The following VAPB variants were observed in gnomAD, a reference collection of about 807,000 sequenced individuals.
VAPB encodes the protein vesicle-associated membrane protein-associated protein B/C.
Under a neutral mutation model 25.6 loss-of-function variants are expected in VAPB, and 7 were observed. That is an observed-to-expected ratio of 0.27 (90% CI 0.16 to 0.51). The LOEUF (loss-of-function observed/expected upper bound fraction) is 0.51, where lower values mean the gene tolerates loss of function less well. Among genes scored for constraint, VAPB ranks in the 20% least tolerant of loss-of-function variants. VAPB has a pLI of 0.97. For synonymous variants in VAPB, 112 were observed against 109.2 expected, an observed-to-expected ratio of 1.03 and a Z score of -0.16; for missense variants, 266 against 301.3, an observed-to-expected ratio of 0.88 and a Z score of 0.87.
intron 1 of VAPB, among the ~76,000 whole-genome samples, chr20:58,393,380 T>C (rs1215997331): frequency 1.3e-5 from 2 of 149,080 alleles, no homozygotes; most frequent in Admixed American, 6.6e-5. Context: ...CACTAAGTCA[T>C]AGGAGTTTTT....
At chr20:58,400,437 C>T (rs1988069018) in intron 1 of VAPB, among the ~76,000 whole-genome samples, 1 of 152,210 alleles carries the variant, frequency 6.6e-6, no homozygotes, top group Admixed American at 6.5e-5. Context: ...TGTTTGAAAG[C>T]TCACTACTTG....
At chr20:58,443,982 C>A in intron 5 of VAPB, 95 bp from the exon 6 acceptor site, 1 of 1,567,540 alleles carries the variant, frequency 6.4e-7, no homozygotes, top group African/African-American at 1.3e-5. Flanking sequence ...TGTCATCCAA[C>A]ACTGGGCATA....
At chr20:58,431,263 T>C (rs1988920883) in intron 2 of VAPB, 1 of 152,256 alleles carries the variant, frequency 6.6e-6, no homozygotes, top group South Asian at 2.1e-4. Flanking sequence ...CTTCCAAATG[T>C]TGGCATATTG....
intron 2 of VAPB, chr20:58,432,325 A>G (rs1368964657): frequency 1.3e-5 from 2 of 152,204 alleles, no homozygotes; most frequent in South Asian, 4.1e-4. Context: ...GATCTTTACA[A>G]ATAAACCTTG....
At chr20:58,406,769 C>T (rs1333940298) in intron 1 of VAPB, among the ~76,000 whole-genome samples, 1 of 152,172 alleles carries the variant, frequency 6.6e-6, no homozygotes, top group African/African-American at 2.4e-5. Context: ...ATTGGGACCC[C>T]ATGCTATTTT....
At chr20:58,436,407 C>T (rs112100813) in intron 3 of VAPB, among the ~76,000 whole-genome samples, 1,940 of 142,778 alleles carry the variant, frequency 0.014, 48 homozygotes, top group African/African-American at 0.048. Context: ...GATCTCAGCT[C>T]GCTGCAGCCT....
At chr20:58,400,419 CTT>C (rs1460210428) in intron 1 of VAPB, among the ~76,000 whole-genome samples, 3 of 152,216 alleles carry the variant, frequency 2.0e-5, no homozygotes, top group Non-Finnish European at 2.9e-5. Flanking sequence ...AATGAAACCT[CTT>C]GTTACTGTTT....
At position 58,444,410 on chromosome 20, in the gene VAPB, G is replaced by A. The variant is rs1989229570; in HGVS notation, c.*175G>A. 3.5e-6 allele frequency: 3 copies of A among 865,608 alleles called. No individual in the cohort carries two copies. 53.6% of individuals were successfully genotyped at this position (865,608 alleles called of 1,614,324 possible). Reference sequence around the variant, plus strand: ...ACAGATACACACACACAAATATAATGTAACGATCTTTTAGAAAGTTAAAAA... The same window carrying A: ...ACAGATACACACACACAAATATAATATAACGATCTTTTAGAAAGTTAAAAA... On this transcript the variant is annotated 3_prime_UTR_variant, in exon 6 of 6. Transcript: ENST00000475243.
In VAPB at chr20:58,389,323, C is replaced by T. The variant is rs542349554; in HGVS notation, c.-137C>T. 108 of 944,086 alleles carry T rather than the reference C, an allele frequency of 1.1e-4. No homozygotes were observed. In the African/African-American group the frequency reaches 1.7e-3, roughly 15 times the overall value. 58.5% of individuals were successfully genotyped at this position (944,086 alleles called of 1,614,324 possible). A position where few individuals can be genotyped will look rare whatever the true frequency, so the allele number is the denominator to read the frequency against. ...ACCGACCCCCCCCCAGCGCGCCCAC[C>T]CGGTAGAGGACCCCCGCCCGTGCCC... On this transcript the variant is annotated 5_prime_UTR_variant, in exon 1 of 6. Coordinates refer to ENST00000475243, the MANE Select transcript of VAPB (RefSeq NM_004738.5).
intron 1 of VAPB, among the ~76,000 whole-genome samples, chr20:58,416,057 C>T (rs1274837371): frequency 1.3e-5 from 2 of 152,086 alleles, no homozygotes; most frequent in African/African-American, 4.8e-5. Flanking sequence ...AGTATAGTTC[C>T]CTCCAGATTT....
chr20:58,421,335 G>T (rs1178389806), intron 2 of VAPB, among the ~76,000 whole-genome samples: 1 of 152,208 alleles, frequency 6.6e-6, no homozygotes, highest in African/African-American at 2.4e-5. Context: ...GCTAGTTTTT[G>T]AAGAAGGTGG....
chr20:58,443,418 T>A (rs2123103886), intron 5 of VAPB, among the ~76,000 whole-genome samples: 1 of 150,444 alleles, frequency 6.6e-6, no homozygotes, highest in South Asian at 2.1e-4. Context: ...TTTTTTTTTT[T>A]TAATATGGAG....
chr20:58,423,902 A>C (rs552539890), intron 2 of VAPB, among the ~76,000 whole-genome samples: 2 of 152,362 alleles, frequency 1.3e-5, no homozygotes, highest in African/African-American at 4.8e-5. Context: ...CTGCTTAAAC[A>C]AAAAGTAGAA....
intron 1 of VAPB, among the ~76,000 whole-genome samples, chr20:58,395,514 G>A (rs1987935231): frequency 6.6e-6 from 1 of 152,108 alleles, no homozygotes; most frequent in Admixed American, 6.5e-5. Context: ...CATGATTTGG[G>A]ACGAATGAGC....
chr20:58,449,193 C>T lies in VAPB; in HGVS notation c.*4958C>T. 2 of 454,136 alleles carry T rather than the reference C, an allele frequency of 4.4e-6. No homozygotes were observed. The highest frequency in any genetic ancestry group is 8.8e-6 in the Non-Finnish European group (2 of 226,798). 28.1% of individuals were successfully genotyped at this position (454,136 alleles called of 1,614,324 possible). A position where few individuals can be genotyped will look rare whatever the true frequency, so the allele number is the denominator to read the frequency against. ...TCCTCCAGCCTCTGAATCCCATTAG[C>T]CACAGCCTAGAACATTAGCTGAGCT... On this transcript the variant is annotated 3_prime_UTR_variant, in exon 6 of 6. Coordinates refer to ENST00000475243, the MANE Select transcript of VAPB (RefSeq NM_004738.5).
intron 1 of VAPB, among the ~76,000 whole-genome samples, chr20:58,408,193 T>C (rs1988278799): frequency 6.6e-6 from 1 of 152,202 alleles, no homozygotes; most frequent in South Asian, 2.1e-4. Context: ...GTGAGAGTTC[T>C]TGGTGTTGAT....
intron 1 of VAPB, among the ~76,000 whole-genome samples, chr20:58,404,823 T>C (rs1739916922): frequency 6.6e-6 from 1 of 152,092 alleles, no homozygotes; most frequent in Admixed American, 6.5e-5. Flanking sequence ...TTCTGTGTAT[T>C]CTGGGTGGGA....
At chr20:58,391,301 A>G (rs1459612969) in intron 1 of VAPB, among the ~76,000 whole-genome samples, 1 of 152,162 alleles carries the variant, frequency 6.6e-6, no homozygotes, top group Non-Finnish European at 1.5e-5. Context: ...ACTTTAGGGA[A>G]GGGGGCAGAT....
chr20:58,446,948 C>T lies in VAPB; in HGVS notation c.*2713C>T, dbSNP rs1304663962. 1 of 454,122 alleles carries T rather than the reference C, an allele frequency of 2.2e-6. No homozygotes were observed. The highest frequency in any genetic ancestry group is 6.9e-5 in the East Asian group (1 of 14,396). The allele number at this position is 454,122 out of a possible 1,614,324, so 28.1% of individuals were successfully genotyped here. ...GGCAAAGAGGAGGTGAATATGGGGCCTGTCACAACGGCCTGCCCTGCCCCA... is the reference window on the plus strand; with the variant it reads ...GGCAAAGAGGAGGTGAATATGGGGCTTGTCACAACGGCCTGCCCTGCCCCA... On this transcript the variant is annotated 3_prime_UTR_variant, in exon 6 of 6. Coordinates refer to ENST00000475243, the MANE Select transcript of VAPB (RefSeq NM_004738.5).
Sources: gnomAD v4.1 joint callset for allele counts (sites outside exome capture counted in the v4.1 genomes callset) on GRCh38, gnomAD v4.1.1 for gene constraint, MANE v1.5 for transcripts, NCBI Gene and HGNC (gene_info 2026-07-23, HGNC 2026-07-21) for gene names.